Variants in MTERF4 observed in about 807,000 individuals in gnomAD.
MTERF4 encodes the protein mitochondrial transcription termination factor 4.
Under a neutral mutation model 22.5 loss-of-function variants are expected in MTERF4, and 17 were observed. The observed-to-expected ratio is 0.75, with a 90% confidence interval of 0.52 to 1.13. MTERF4 has a LOEUF of 1.13. Among genes scored for constraint, MTERF4 ranks in the 50% most tolerant of loss-of-function variants. MTERF4 has a pLI of 0.00. For synonymous variants in MTERF4, 165 were observed against 175.3 expected (o/e 0.94, Z 0.47); for missense variants, 420 against 466.8 (o/e 0.90, Z 0.92).
chr2:241,052,891 G>C, the MTERF4 span, among the ~76,000 whole-genome samples: 1 of 144,704 alleles, frequency 6.9e-6, no homozygotes, highest in Non-Finnish European at 1.5e-5. Flanking sequence ...CCAGTGGCAG[G>C]CAGGTGAGAG....
intron 1 of MTERF4, among the ~76,000 whole-genome samples, chr2:241,100,933 A>G (rs564321419): frequency 3.2e-4 from 48 of 152,248 alleles, no homozygotes; most frequent in African/African-American, 9.9e-4. Flanking sequence ...GTTGACCTCA[A>G]AAGTCTTCAG....
chr2:241,082,558 C>T (rs1269610402), downstream of MTERF4, among the ~76,000 whole-genome samples: 1 of 152,220 alleles, frequency 6.6e-6, no homozygotes, highest in East Asian at 1.9e-4. Context: ...ATAACTGCCC[C>T]AAGTCCATGC....
chr2:241,089,392 TC>T, downstream of MTERF4: 1 of 1,550,548 alleles, frequency 6.4e-7, no homozygotes. Flanking sequence ...GAAATGTCAT[TC>T]AGGAACCTTT....
downstream of MTERF4, chr2:241,092,261 C>CT (rs1278414524): frequency 2.0e-5 from 3 of 152,192 alleles, no homozygotes; most frequent in Non-Finnish European, 4.4e-5. This position sits in a 1 kb window ranked among gnomAD's most constrained non-coding sequence, Gnocchi z 4.6. Context: ...GGAGTTCAGA[C>CT]TTTTTTAGAC....
downstream of MTERF4, chr2:241,088,351 T>C (rs775323363): frequency 5.0e-6 from 8 of 1,600,104 alleles, no homozygotes; most frequent in Non-Finnish European, 4.3e-6. Context: ...ACGACTTTTC[T>C]CTAATTATTT....
At chr2:241,051,940 C>T in the MTERF4 span, 77 of 1,467,628 alleles carry the variant, frequency 5.2e-5, no homozygotes, top group Non-Finnish European at 6.9e-5. The surrounding 1 kb of genome is among the most constrained non-coding windows in gnomAD (Gnocchi z 4.7). Context: ...CCCTCCCTGC[C>T]AGCTGTGGGT....
chr2:241,048,224 G>T, the MTERF4 span: 1 of 1,420,704 alleles, frequency 7.0e-7, no homozygotes. Context: ...CAACAGAGGT[G>T]AAAACCCAAA....
chr2:241,071,140 C>T (rs2062693464), downstream of MTERF4, among the ~76,000 whole-genome samples: 3 of 152,156 alleles, frequency 2.0e-5, no homozygotes, highest in Non-Finnish European at 4.4e-5. Flanking sequence ...GTGACAGATG[C>T]ACCCTCACTC....
chr2:241,071,655 G>A (rs779400360), downstream of MTERF4: 38 of 1,568,368 alleles, frequency 2.4e-5, no homozygotes, highest in Admixed American at 7.2e-5. Context: ...CGCCCCCGGC[G>A]CGCCTGCCGG....
the MTERF4 span, among the ~76,000 whole-genome samples, chr2:241,045,808 A>C: frequency 6.6e-6 from 1 of 152,158 alleles, no homozygotes; most frequent in East Asian, 1.9e-4. Flanking sequence ...GATAAATTAG[A>C]CTTCATCAAA....
intron 2 of MTERF4, among the ~76,000 whole-genome samples, chr2:241,097,639 T>A (rs148160226): frequency 3.0e-4 from 45 of 152,280 alleles, no homozygotes; most frequent in African/African-American, 9.4e-4. Flanking sequence ...AGACTCACCA[T>A]CCTTCCCTCC....
rs1175693107 is a variant in MTERF4, at chr2:241,073,308, C to T, written n.2854G>A. On this transcript the variant is annotated non_coding_transcript_exon_variant, in exon 5 of 5. Coordinates refer to the MTERF4 transcript ENST00000464344. This position sits in a 1 kb window ranked among gnomAD's most constrained non-coding sequence, Gnocchi z 6.6. The stretch of plus-strand genomic sequence containing the variant: ...CAGCTCGAGAACATGGAGGAAGCCC[C>T]CAAGCGGGTCAGCCTGGCCCTCCAG... 1 of 1,572,762 alleles carries T rather than the reference C, an allele frequency of 6.4e-7. No individual in the cohort carries two copies. The highest frequency in any genetic ancestry group is 2.4e-5 in the East Asian group (1 of 42,324).
downstream of MTERF4, among the ~76,000 whole-genome samples, chr2:241,086,643 C>T (rs1037689216): frequency 4.6e-5 from 7 of 152,224 alleles, no homozygotes; most frequent in Admixed American, 4.6e-4. Context: ...ATTCCAGATT[C>T]TGTTACTCTT....
chr2:241,088,373 G>A, downstream of MTERF4: 1 of 1,610,320 alleles, frequency 6.2e-7, no homozygotes, highest in Non-Finnish European at 8.5e-7. Context: ...AGGAAACAAA[G>A]TAAGAGTCAG....
downstream of MTERF4, among the ~76,000 whole-genome samples, chr2:241,083,343 G>C (rs1438555734): frequency 6.6e-6 from 1 of 152,010 alleles, no homozygotes; most frequent in Non-Finnish European, 1.5e-5. Context: ...GGAACCCTCG[G>C]GGCCATGGAG....
chr2:241,090,215 T>A (rs991033607), downstream of MTERF4: 46 of 1,480,800 alleles, frequency 3.1e-5, 1 homozygote, highest in Admixed American at 1.2e-3. Flanking sequence ...TTTTTAATTG[T>A]TTTTTACTAT....
the MTERF4 span, among the ~76,000 whole-genome samples, chr2:241,046,536 A>G: frequency 6.6e-6 from 1 of 152,222 alleles, no homozygotes; most frequent in Non-Finnish European, 1.5e-5. Context: ...TGCTGAGTGA[A>G]AGAAGCCAGT....
At chr2:241,049,920 G>A in the MTERF4 span, 1 of 1,613,370 alleles carries the variant, frequency 6.2e-7, no homozygotes, top group Non-Finnish European at 8.5e-7. Flanking sequence ...TCCACGGCAA[G>A]CACTGCGAGA....
the MTERF4 span, among the ~76,000 whole-genome samples, chr2:241,062,594 C>T: frequency 6.6e-6 from 1 of 152,026 alleles, no homozygotes; most frequent in African/African-American, 2.4e-5. Flanking sequence ...TGCTGCTTCA[C>T]AGACACAGCC....
Sources: allele counts gnomAD v4.1 joint callset (sites outside exome capture counted in the v4.1 genomes callset), GRCh38; gene constraint gnomAD v4.1.1; non-coding constraint Gnocchi (gnomAD v3.1); transcripts MANE v1.5; gene names NCBI Gene and HGNC (gene_info 2026-07-23, HGNC 2026-07-21).